Variants in MGAT4C observed in about 807,000 individuals in gnomAD.
The protein encoded by MGAT4C is alpha-1,3-mannosyl-glycoprotein 4-beta-N-acetylglucosaminyltransferase C.
A neutral mutation model predicts 40.1 loss-of-function variants in MGAT4C; 19 were observed. The ratio of observed to expected loss-of-function variants is 0.47; its 90% confidence interval spans 0.33 to 0.70. The LOEUF (loss-of-function observed/expected upper bound fraction) is 0.70, where lower values mean the gene tolerates loss of function less well. MGAT4C is among the 30% of genes least tolerant of loss of function. MGAT4C has a pLI of 0.02. For missense variants in MGAT4C, 491 were observed against 563.2 expected, an observed-to-expected ratio of 0.87 and a Z score of 1.30; for synonymous variants, 181 against 187.1, an observed-to-expected ratio of 0.97 and a Z score of 0.27.
intron 1 of MGAT4C, among the ~76,000 whole-genome samples, chr12:86,084,090 A>G (rs745329534): frequency 2.8e-4 from 42 of 152,106 alleles, no homozygotes; most frequent in Non-Finnish European, 3.2e-4. Context: ...AACTATTTGT[A>G]AAATATTGTC....
At chr12:86,548,542 T>C (rs1310186617) in intron 2 of MGAT4C, among the ~76,000 whole-genome samples, 1 of 152,130 alleles carries the variant, frequency 6.6e-6, no homozygotes, top group African/African-American at 2.4e-5. Flanking sequence ...ACTATCTTAA[T>C]GGTCTACTGT....
chr12:86,686,977 G>A (rs961117162), intron 2 of MGAT4C, among the ~76,000 whole-genome samples: 1 of 151,998 alleles, frequency 6.6e-6, no homozygotes, highest in African/African-American at 2.4e-5. Context: ...GCTTTTTGTT[G>A]TTGTTGTTGT....
chr12:86,559,382 G>A (rs111585627), intron 2 of MGAT4C, among the ~76,000 whole-genome samples: 1,620 of 151,820 alleles, frequency 0.011, 34 homozygotes, highest in African/African-American at 0.037. Flanking sequence ...ATTAGCACAC[G>A]GAACATTCTC....
At chr12:86,752,617 C>T (rs1195838005) in intron 1 of MGAT4C, among the ~76,000 whole-genome samples, 1 of 151,842 alleles carries the variant, frequency 6.6e-6, no homozygotes, top group Non-Finnish European at 1.5e-5. Flanking sequence ...TTTAATCTTC[C>T]AACACATGAA....
At chr12:86,582,061 T>A (rs1176777039) in intron 2 of MGAT4C, among the ~76,000 whole-genome samples, 1 of 151,438 alleles carries the variant, frequency 6.6e-6, no homozygotes, top group Admixed American at 6.6e-5. Context: ...GTTGGCATAA[T>A]GCACATGAGT....
At chr12:86,076,579 C>G (rs752213143) in intron 1 of MGAT4C, among the ~76,000 whole-genome samples, 1 of 152,184 alleles carries the variant, frequency 6.6e-6, no homozygotes, top group Non-Finnish European at 1.5e-5. Context: ...TACAGTTCCA[C>G]ATGACTGGGG....
intron 1 of MGAT4C, among the ~76,000 whole-genome samples, chr12:86,761,835 C>A (rs934105551): frequency 6.6e-6 from 1 of 152,088 alleles, no homozygotes; most frequent in African/African-American, 2.4e-5. Flanking sequence ...GTGATAGAAT[C>A]TAGTGCCCCA....
At chr12:86,229,189 A>C (rs1009162817) in intron 1 of MGAT4C, among the ~76,000 whole-genome samples, 12 of 151,938 alleles carry the variant, frequency 7.9e-5, no homozygotes, top group African/African-American at 2.9e-4. Flanking sequence ...TCTCTCAATG[A>C]TATAGGTAAT....
chr12:85,965,173 G>C lies in MGAT4C; in HGVS notation c.*14116C>G, dbSNP rs1883292818. On this transcript the variant is annotated 3_prime_UTR_variant, in exon 5 of 5. Coordinates refer to ENST00000611864, the MANE Select transcript of MGAT4C (RefSeq NM_001351288.2). ...TTAGGGTACATGTGCATAACGTGCA[G>C]GTTTGTTACATATGTATACATGTGC... The C allele has an allele frequency of 2.0e-5, 3 of 152,036 alleles. No individual in the cohort carries two copies. In the South Asian group the frequency reaches 6.2e-4, roughly 32 times the overall value. 9.4% of individuals were successfully genotyped at this position (152,036 alleles called of 1,614,324 possible).
In MGAT4C at chr12:85,979,242, G is replaced by A. The variant is rs144593863; in HGVS notation, c.*47C>T. 22 of 1,448,068 alleles carry A rather than the reference G, an allele frequency of 1.5e-5. No individual in the cohort carries two copies. Among genetic ancestry groups the A allele is most frequent in the African/African-American group, 7.1e-5 (5 of 70,338 alleles). The allele number at this position is 1,448,068 out of a possible 1,614,324, so 89.7% of individuals were successfully genotyped here. ...CCAAAAGACAAAGGTAGCAAAAGAC[G>A]AAGCAGGAAGAACTGCTTCAGAAAC... is the stretch of plus-strand genomic sequence containing the variant. On this transcript the variant is annotated 3_prime_UTR_variant, in exon 5 of 5. Transcript: ENST00000611864.
At chr12:86,099,644 AAAGT>A (rs553431829) in intron 1 of MGAT4C, among the ~76,000 whole-genome samples, 74 of 151,374 alleles carry the variant, frequency 4.9e-4, no homozygotes, top group African/African-American at 1.7e-3. Flanking sequence ...TTCTTTTCTT[AAAGT>A]AAGAAATCAG....
At chr12:86,651,190 T>G (rs1162331795) in intron 2 of MGAT4C, among the ~76,000 whole-genome samples, 1 of 151,900 alleles carries the variant, frequency 6.6e-6, no homozygotes. Flanking sequence ...TTCTAATCCA[T>G]TTATACTACT....
chr12:86,191,788 G>GTGTGTGTGTGTGT (rs10526767), intron 1 of MGAT4C, among the ~76,000 whole-genome samples: 20 of 132,436 alleles, frequency 1.5e-4, no homozygotes, highest in East Asian at 5.0e-4. Flanking sequence ...GTGTGTGTGT[G>GTGTGTGTGTGTGT]GTGTTTTCAG....
intron 1 of MGAT4C, among the ~76,000 whole-genome samples, chr12:86,176,237 C>T (rs1887417214): frequency 6.6e-6 from 1 of 152,146 alleles, no homozygotes; most frequent in Non-Finnish European, 1.5e-5. Flanking sequence ...ATAGTGTGAG[C>T]TCTTGTACAT....
intron 2 of MGAT4C, among the ~76,000 whole-genome samples, chr12:86,633,369 G>C (rs1963122655): frequency 6.6e-6 from 1 of 151,996 alleles, no homozygotes; most frequent in Non-Finnish European, 1.5e-5. Context: ...TTAAGAATTT[G>C]TCATGAGAAA....
At chr12:85,985,467 T>C (rs1484877642) in intron 3 of MGAT4C, among the ~76,000 whole-genome samples, 3 of 152,216 alleles carry the variant, frequency 2.0e-5, no homozygotes, top group African/African-American at 7.2e-5. Context: ...AGTATGTTTA[T>C]AAATCCAAAT....
intron 2 of MGAT4C, among the ~76,000 whole-genome samples, chr12:86,629,443 A>G (rs1197491460): frequency 6.6e-6 from 1 of 152,182 alleles, no homozygotes; most frequent in Non-Finnish European, 1.5e-5. Context: ...AAATCAAGAG[A>G]GTATACATTC....
intron 3 of MGAT4C, among the ~76,000 whole-genome samples, chr12:86,412,588 G>A (rs546382849): frequency 2.6e-4 from 39 of 152,258 alleles, no homozygotes; most frequent in South Asian, 8.3e-4. Context: ...TTGTATCTTG[G>A]AAGTAACTAA....
intron 1 of MGAT4C, among the ~76,000 whole-genome samples, chr12:86,791,384 C>T (rs750081207): frequency 9.3e-5 from 14 of 149,866 alleles, no homozygotes; most frequent in Non-Finnish European, 1.5e-4. Context: ...AGCATTTACA[C>T]GGAAGAAAAA....
Sources: gnomAD v4.1 joint callset for allele counts (sites outside exome capture counted in the v4.1 genomes callset) on GRCh38, gnomAD v4.1.1 for gene constraint, MANE v1.5 for transcripts, NCBI Gene and HGNC (gene_info 2026-07-23, HGNC 2026-07-21) for gene names.